The following RFWD3 variants were observed in gnomAD, a reference collection of about 807,000 sequenced individuals.
RFWD3 encodes the protein ring finger and WD repeat domain 3.
Under a neutral mutation model 87.7 loss-of-function variants are expected in RFWD3, and 65 were observed. The observed-to-expected ratio is 0.74, with a 90% CI of 0.61 to 0.91. The LOEUF (loss-of-function observed/expected upper bound fraction) is 0.91. RFWD3 is among the 40% of genes least tolerant of loss of function. RFWD3 has a pLI of 0.00. For synonymous variants in RFWD3, 433 were observed against 352.8 expected (o/e 1.23, Z -2.55); for missense variants, 1,078 against 938.5 (o/e 1.15, Z -1.94).
At chr16:74,658,928 C>T (rs529806431) in intron 2 of RFWD3, among the ~76,000 whole-genome samples, 43 of 152,074 alleles carry the variant, frequency 2.8e-4, no homozygotes, top group African/African-American at 1.0e-3. Flanking sequence ...CCACCACGCC[C>T]GGCTAATTTT....
rs1333311142 is a variant in RFWD3 at position 74,623,586 on chromosome 16, C to T, written c.*342G>A. ...CCAGAAAATGCTTGATGCCCACTCA[C>T]ATCCTAGATGATGAGAGGACACTCT... On this transcript the variant is annotated 3_prime_UTR_variant, in exon 13 of 13. Coordinates refer to ENST00000361070, the MANE Select transcript of RFWD3 (RefSeq NM_018124.4). 5.1e-6 allele frequency: 1 copy of T among 196,592 alleles called. No homozygotes were observed. Among genetic ancestry groups the T allele is most frequent in the Non-Finnish European group, 1.0e-5 (1 of 97,160 alleles). 12.2% of individuals were successfully genotyped at this position (196,592 alleles called of 1,614,324 possible).
chr16:74,654,678 G>C (rs1023962705), intron 2 of RFWD3, among the ~76,000 whole-genome samples: 3 of 152,128 alleles, frequency 2.0e-5, no homozygotes, highest in African/African-American at 7.2e-5. Context: ...TCAAAAGCTG[G>C]GATAGGCCAG....
chr16:74,638,349 C>T (rs1959328344), intron 6 of RFWD3, among the ~76,000 whole-genome samples: 2 of 151,886 alleles, frequency 1.3e-5, no homozygotes, highest in East Asian at 3.9e-4. Context: ...AATAATATAA[C>T]CCAAAAAAGA....
At chr16:74,649,495 C>T (rs1960413001) in intron 3 of RFWD3, among the ~76,000 whole-genome samples, 1 of 152,186 alleles carries the variant, frequency 6.6e-6, no homozygotes, top group Admixed American at 6.5e-5. Context: ...CTTGTTCCAC[C>T]TAAGCCCCCA....
rs139079671 is a variant in RFWD3, at chr16:74,622,101, T to A, written c.*1827A>T. 0.015 allele frequency: 2,271 copies of A among 152,156 alleles called. 15 individuals are homozygous for A. Among genetic ancestry groups the A allele is most frequent in the Non-Finnish European group, 0.023 (1,579 of 67,988 alleles). 9.4% of individuals were successfully genotyped at this position (152,156 alleles called of 1,614,324 possible). A position where few individuals can be genotyped will look rare whatever the true frequency, so the allele number is the denominator to read the frequency against. ...ATCAGGTACTTCAAAGAAAGTCAAA[T>A]CCTAAGCCTGCCCAGGCCCAAAGAC... On this transcript the variant is annotated 3_prime_UTR_variant, in exon 13 of 13. Transcript: ENST00000361070.
At chr16:74,663,464 G>C (rs1961622872) in intron 1 of RFWD3, among the ~76,000 whole-genome samples, 1 of 152,158 alleles carries the variant, frequency 6.6e-6, no homozygotes, top group African/African-American at 2.4e-5. Context: ...ACATGAGGAT[G>C]ACAGGTGACC....
At chr16:74,658,240 T>C (rs774884855) in intron 2 of RFWD3, among the ~76,000 whole-genome samples, 1 of 152,214 alleles carries the variant, frequency 6.6e-6, no homozygotes, top group Non-Finnish European at 1.5e-5. Flanking sequence ...TATTCACCAA[T>C]ATATCTAGGG....
At chr16:74,625,558 T>C (rs1434201990) in intron 12 of RFWD3, among the ~76,000 whole-genome samples, 1 of 151,354 alleles carries the variant, frequency 6.6e-6, no homozygotes, top group Non-Finnish European at 1.5e-5. Context: ...CTCACGCCTA[T>C]AATCCAACCT....
intron 4 of RFWD3, among the ~76,000 whole-genome samples, chr16:74,645,154 C>T (rs577876204): frequency 6.6e-6 from 1 of 152,316 alleles, no homozygotes; most frequent in South Asian, 2.1e-4. Flanking sequence ...CATTTTTCAT[C>T]TATCAGACTG....
intron 12 of RFWD3, among the ~76,000 whole-genome samples, chr16:74,624,850 G>C (rs1345924003): frequency 6.6e-6 from 1 of 152,138 alleles, no homozygotes; most frequent in African/African-American, 2.4e-5. Flanking sequence ...AAATTAGCCA[G>C]GTGTAGTGGT....
intron 9 of RFWD3, among the ~76,000 whole-genome samples, chr16:74,632,166 G>A (rs903217742): frequency 4.0e-5 from 6 of 151,568 alleles, no homozygotes. Flanking sequence ...CGAGGCGGGC[G>A]GATCATGAGG....
chr16:74,637,822 C>G, intron 7 of RFWD3, 34 bp downstream of exon 7: 1 of 1,514,256 alleles, frequency 6.6e-7, no homozygotes, highest in African/African-American at 1.4e-5. Context: ...ATTCCTATTC[C>G]AAAAGTTCTT....
rs1959197297 is a variant in RFWD3 at position 74,636,371 on chromosome 16, A to C, written c.1401T>G (p.Pro467=). The C allele has an allele frequency of 6.2e-7, 1 of 1,614,052 alleles. No individual in the cohort carries two copies. Among genetic ancestry groups the C allele is most frequent in the South Asian group, 1.1e-5 (1 of 91,086 alleles). Reference sequence around the variant, plus strand: ...CTGGAAGAAAAGAGGCCTGAGGAGAAGGCTGTGATATCACCAGGCAGCTCA... The same window carrying C: ...CTGGAAGAAAAGAGGCCTGAGGAGACGGCTGTGATATCACCAGGCAGCTCA... ...DALSCLVISQ[P]SPQASFLPGF... is the part of the protein sequence containing the mutation. The change falls in exon 8 of 13, where the codon CCT becomes CCG. Residue 467 remains proline (P), a synonymous_variant. Transcript: ENST00000361070.
At chr16:74,644,842 A>C in intron 4 of RFWD3, 107 bp from the exon 5 acceptor site, 2 of 1,005,582 alleles carry the variant, frequency 2.0e-6, no homozygotes, top group Non-Finnish European at 2.9e-6. Context: ...TGATACAATC[A>C]AAAGGGCTAC....
chr16:74,624,874 C>G (rs773329209), intron 12 of RFWD3, among the ~76,000 whole-genome samples: 1 of 151,990 alleles, frequency 6.6e-6, no homozygotes, highest in African/African-American at 2.4e-5. Flanking sequence ...TGCCCGCAGT[C>G]CCAGCTACTC....
chr16:74,628,426 C>A (rs1295801034), intron 11 of RFWD3, 26 bp downstream of exon 11: 1 of 1,602,566 alleles, frequency 6.2e-7, no homozygotes, highest in African/African-American at 1.3e-5. Flanking sequence ...CCCAAATAAG[C>A]TATGGGAGAC....
At chr16:74,646,973 AGCTACCGGGAG>A (rs1412044581) in intron 4 of RFWD3, among the ~76,000 whole-genome samples, 1 of 152,028 alleles carries the variant, frequency 6.6e-6, no homozygotes, top group Admixed American at 6.6e-5. Context: ...CTGTAGTCCC[AGCTACCGGGAG>A]GCTGAGGCAG....
chr16:74,632,398 A>G (rs1959126768), intron 9 of RFWD3, 125 bp downstream of exon 9: 2 of 1,163,216 alleles, frequency 1.7e-6, no homozygotes, highest in African/African-American at 3.1e-5. Context: ...TCTCAAAAAA[A>G]CAAAACAAAA....
chr16:74,636,315 A>G (rs759170848), intron 8 of RFWD3, 31 bp downstream of exon 8: 1 of 1,578,854 alleles, frequency 6.3e-7, no homozygotes, highest in East Asian at 2.2e-5. Flanking sequence ...TCTAATAAAG[A>G]ACATGAAAGC....
Sources: allele counts gnomAD v4.1 joint callset (sites outside exome capture counted in the v4.1 genomes callset), GRCh38; gene constraint gnomAD v4.1.1; transcripts MANE v1.5; gene names NCBI Gene and HGNC (gene_info 2026-07-23, HGNC 2026-07-21).